The following NOS1 variants were observed in gnomAD, a reference collection of about 807,000 sequenced individuals.
The protein encoded by NOS1 is nitric oxide synthase 1.
Under a neutral mutation model 164.5 loss-of-function variants are expected in NOS1, and 51 were observed. The ratio of observed to expected loss-of-function variants is 0.31; its 90% CI spans 0.25 to 0.39. NOS1 has a LOEUF of 0.39. Ranked by LOEUF, NOS1 falls within the 10% of genes least tolerant of loss-of-function variation. The pLI is 1.00. For missense variants in NOS1, 1,362 were observed against 1,885.6 expected (o/e 0.72, Z 5.14); for synonymous variants, 719 against 745.8 (o/e 0.96, Z 0.59).
chr12:117,219,298 G>GT (rs201472999), intron 27 of NOS1, among the ~76,000 whole-genome samples: 48 of 148,562 alleles, frequency 3.2e-4, no homozygotes, highest in Admixed American at 8.1e-4. Context: ...GTTTTGTTTT[G>GT]TTTTGTTTTT....
intron 17 of NOS1, among the ~76,000 whole-genome samples, chr12:117,253,432 A>T (rs2135968644): frequency 6.6e-6 from 1 of 152,264 alleles, no homozygotes; most frequent in East Asian, 1.9e-4. Context: ...AAGAAGTCAC[A>T]GAAAGGATAA....
chr12:117,350,967 A>G (rs779056494), intron 1 of NOS1, among the ~76,000 whole-genome samples: 8 of 152,140 alleles, frequency 5.3e-5, no homozygotes, highest in Non-Finnish European at 1.0e-4. Context: ...CAAAAAAATT[A>G]GCCGGGCCTG....
At chr12:117,326,756 C>A (rs1353291435) in intron 2 of NOS1, among the ~76,000 whole-genome samples, 1 of 152,224 alleles carries the variant, frequency 6.6e-6, no homozygotes, top group African/African-American at 2.4e-5. Flanking sequence ...TTGTCCCTCC[C>A]TCTTCCTTGG....
intron 10 of NOS1, among the ~76,000 whole-genome samples, chr12:117,271,989 G>A (rs1008705096): frequency 2.0e-5 from 3 of 152,114 alleles, no homozygotes; most frequent in Admixed American, 6.5e-5. Context: ...GAGAGGCAGC[G>A]GAGTGGAGTG....
chr12:117,234,925 T>C lies in NOS1; in HGVS notation c.3042-167A>G, dbSNP rs1293868732. Among the ~76,000 whole-genome samples the C allele has an allele frequency of 6.6e-6, 1 of 151,884 alleles. No individual in the cohort carries two copies. The highest frequency in any genetic ancestry group is 1.5e-5 in the Non-Finnish European group (1 of 67,972). ...ATCATTCTATTATTATTATTATTAT[T>C]ATTATTATGGTGAGATAGGGTTTTG... On this transcript the variant is annotated intron_variant, in intron 20 of 28. Transcript: ENST00000317775. This position sits in a 1 kb window ranked among gnomAD's most constrained non-coding sequence, Gnocchi z 4.3.
intron 3 of NOS1, among the ~76,000 whole-genome samples, chr12:117,296,079 A>G (rs1566063767): frequency 2.0e-5 from 3 of 152,190 alleles, no homozygotes; most frequent in South Asian, 4.1e-4. Context: ...CTACATTTCT[A>G]TATCTTGTAG....
chr12:117,297,983 G>A lies in NOS1; in HGVS notation c.853-7557C>T, dbSNP rs192710501. ...CTCAACCTTTTTGGCACCAGGGATCGGTTTTGTGGAAGACAATTTTTCCAT... is the reference window on the plus strand; with the variant it reads ...CTCAACCTTTTTGGCACCAGGGATCAGTTTTGTGGAAGACAATTTTTCCAT... On this transcript the variant is annotated intron_variant, in intron 3 of 28. Transcript: ENST00000317775. Among the ~76,000 whole-genome samples, 8 of 152,202 alleles carry A rather than the reference G, an allele frequency of 5.3e-5. No individual in the cohort carries two copies. The East Asian group carries it at 1.3e-3, about 26-fold the overall frequency.
chr12:117,267,990 G>A (rs1013511931), intron 11 of NOS1, 53 bp downstream of exon 11: 17 of 1,280,928 alleles, frequency 1.3e-5, no homozygotes, highest in Admixed American at 1.1e-4. Flanking sequence ...GGCTCTGAAA[G>A]GTTTGAACTC....
chr12:117,319,838 C>A (rs1391901239), intron 2 of NOS1, among the ~76,000 whole-genome samples: 7 of 152,166 alleles, frequency 4.6e-5, no homozygotes, highest in Non-Finnish European at 1.0e-4. Flanking sequence ...CCAGGTGTGG[C>A]CTGGCCTGTG....
rs181022917 is a variant in NOS1 at position 117,230,948 on chromosome 12, G to T, written c.3405+1014C>A. ...CATGAAGATGGAGAGTAGAAGGAGG[G>T]CTACAAGATGCAGGGAAGGGTAGTG... On this transcript the variant is annotated intron_variant, in intron 22 of 28. Coordinates refer to ENST00000317775, the MANE Select transcript of NOS1 (RefSeq NM_000620.5). Among the ~76,000 whole-genome samples the T allele has an allele frequency of 9.2e-5, 14 of 152,216 alleles. No homozygotes were observed. The East Asian group carries it at 2.5e-3, about 27-fold the overall frequency.
chr12:117,233,344 C>T (rs369273226), intron 21 of NOS1, among the ~76,000 whole-genome samples: 7 of 151,710 alleles, frequency 4.6e-5, no homozygotes, highest in Non-Finnish European at 7.4e-5. Context: ...CAACCATGCC[C>T]GGCCTGATGC....
intron 17 of NOS1, among the ~76,000 whole-genome samples, chr12:117,249,830 C>T (rs2135963580): frequency 6.6e-6 from 1 of 152,280 alleles, no homozygotes; most frequent in South Asian, 2.1e-4. Context: ...CACAGTCCTT[C>T]AGACACTTTC....
intron 18 of NOS1, among the ~76,000 whole-genome samples, chr12:117,244,343 G>T (rs1490598679): frequency 6.6e-6 from 1 of 152,108 alleles, no homozygotes; most frequent in Non-Finnish European, 1.5e-5. Flanking sequence ...TCCTCCCCAG[G>T]TTCAAGTTAT....
intron 1 of NOS1, among the ~76,000 whole-genome samples, chr12:117,341,149 T>A (rs1440023550): frequency 6.6e-6 from 1 of 152,190 alleles, no homozygotes; most frequent in African/African-American, 2.4e-5. Flanking sequence ...CTATTGAGCA[T>A]CCGTAGTGTC....
intron 17 of NOS1, among the ~76,000 whole-genome samples, chr12:117,250,335 T>TG (rs1411997076): frequency 6.6e-6 from 1 of 151,194 alleles, no homozygotes; most frequent in African/African-American, 2.4e-5. Flanking sequence ...TACTTTTTTT[T>TG]TTTTTTTTTT....
chr12:117,360,951 C>T (rs966036178), intron 1 of NOS1, among the ~76,000 whole-genome samples: 2 of 152,114 alleles, frequency 1.3e-5, no homozygotes, highest in South Asian at 2.1e-4. Context: ...GGCGCGTAGA[C>T]CCCCGGACCG....
intron 2 of NOS1, among the ~76,000 whole-genome samples, chr12:117,326,526 A>C (rs1875261473): frequency 6.6e-6 from 1 of 152,240 alleles, no homozygotes; most frequent in African/African-American, 2.4e-5. Context: ...AGTGGGTTTC[A>C]CAGAGCCCTG....
At chr12:117,258,091 C>T (rs1871608737) in intron 16 of NOS1, among the ~76,000 whole-genome samples, 1 of 152,104 alleles carries the variant, frequency 6.6e-6, no homozygotes, top group Non-Finnish European at 1.5e-5. Flanking sequence ...GCGTGAGCCA[C>T]CACGCCCAGC....
intron 24 of NOS1, among the ~76,000 whole-genome samples, chr12:117,226,363 T>C (rs970468572): frequency 6.6e-6 from 1 of 152,136 alleles, no homozygotes; most frequent in Admixed American, 6.5e-5. Flanking sequence ...TTGGCTAGAA[T>C]TTCCACTAGC....
Sources: allele counts gnomAD v4.1 joint callset (sites outside exome capture counted in the v4.1 genomes callset), GRCh38; gene constraint gnomAD v4.1.1; non-coding constraint Gnocchi (gnomAD v3.1); transcripts MANE v1.5; gene names NCBI Gene and HGNC (gene_info 2026-07-23, HGNC 2026-07-21).